The following CEP85L variants were observed in gnomAD, a reference collection of about 807,000 sequenced individuals.
CEP85L encodes the protein centrosomal protein of 85 kDa-like.
In CEP85L, 60 loss-of-function variants were observed where a neutral mutation model predicts 100.3. The ratio of observed to expected loss-of-function variants is 0.60; its 90% confidence interval spans 0.49 to 0.74. The LOEUF is 0.74. CEP85L is among the 30% of genes least tolerant of loss of function. The probability of loss-of-function intolerance (pLI) is 0.00; values close to 1 mark genes in which losing one functional copy is unlikely to be tolerated. For synonymous variants in CEP85L, 319 were observed against 322.7 expected (o/e 0.99, Z 0.12); for missense variants, 973 against 936.2 (o/e 1.04, Z -0.51).
At chr6:118,516,899 A>G (rs112543537) in intron 4 of CEP85L, among the ~76,000 whole-genome samples, 1 of 152,234 alleles carries the variant, frequency 6.6e-6, no homozygotes, top group African/African-American at 2.4e-5. Context: ...TTAAGTTTTT[A>G]ATCCATCTTT....
At chr6:118,474,910 TGA>T (rs923131274) in intron 10 of CEP85L, among the ~76,000 whole-genome samples, 2 of 152,176 alleles carry the variant, frequency 1.3e-5, no homozygotes, top group African/African-American at 2.4e-5. Context: ...GGAAAAACAG[TGA>T]GATAGCTGGG....
At chr6:118,691,610 G>A (rs1777048113) in intron 1 of CEP85L, among the ~76,000 whole-genome samples, 1 of 147,116 alleles carries the variant, frequency 6.8e-6, no homozygotes, top group South Asian at 2.2e-4. Flanking sequence ...TGGCAGGCAG[G>A]CGCCTGTAAT....
chr6:118,705,617 TA>T (rs987107303), intron 1 of CEP85L, among the ~76,000 whole-genome samples: 37 of 152,214 alleles, frequency 2.4e-4, no homozygotes, highest in Non-Finnish European at 2.9e-4. Flanking sequence ...AAATGAAGGA[TA>T]AAACAATACA....
chr6:118,516,810 A>G (rs1382988590), intron 4 of CEP85L, among the ~76,000 whole-genome samples: 2 of 152,198 alleles, frequency 1.3e-5, no homozygotes, highest in East Asian at 3.8e-4. Flanking sequence ...TTTAGACATG[A>G]AGCCTTTGCC....
chr6:118,677,117 A>T (rs1201729145), intron 1 of CEP85L, among the ~76,000 whole-genome samples: 2 of 152,124 alleles, frequency 1.3e-5, no homozygotes, highest in African/African-American at 4.8e-5. Flanking sequence ...GTTACTTATC[A>T]CTAATGTAGC....
intron 5 of CEP85L, among the ~76,000 whole-genome samples, chr6:118,509,320 G>A (rs533251001): frequency 5.9e-5 from 9 of 152,084 alleles, no homozygotes; most frequent in African/African-American, 1.4e-4. Flanking sequence ...ATGTTAAAGA[G>A]AAATTGAACA....
intron 2 of CEP85L, among the ~76,000 whole-genome samples, chr6:118,614,027 C>T (rs1772846221): frequency 6.6e-6 from 1 of 152,050 alleles, no homozygotes; most frequent in Non-Finnish European, 1.5e-5. Flanking sequence ...GAATTATATA[C>T]CATGACCAAG....
rs761190243 is a variant in CEP85L, at chr6:118,566,257, G to T, written c.292C>A (p.Pro98Thr). ...FKPSQSLITL[P>T]TAHVMPSNSS... ...TTAGACGGCATCACATGGGCAGTAG[G>T]AAGAGTAATCAATGATTGACTAGGC... Residue 98 changes from proline (P) to threonine (T), a missense_variant, in exon 3 of 13, where the codon CCT (proline) becomes ACT (threonine). By Grantham distance (38) the Pro-to-Thr change is conservative. Around this residue, in one of 3 missense-constraint regions of CEP85L, gnomAD observed 890 missense variants for 844.5 expected, o/e 1.05. Transcript: ENST00000368491. 1 of 1,614,088 alleles carries T rather than the reference G, an allele frequency of 6.2e-7. No individual in the cohort carries two copies. Among genetic ancestry groups the T allele is most frequent in the South Asian group, 1.1e-5 (1 of 91,084 alleles).
At chr6:118,635,427 A>G (rs1023368674) in intron 1 of CEP85L, among the ~76,000 whole-genome samples, 13 of 152,164 alleles carry the variant, frequency 8.5e-5, no homozygotes, top group African/African-American at 2.9e-4. Flanking sequence ...AGGGAGCTCT[A>G]TATCTAAATG....
rs1772382226 is a variant in CEP85L at position 118,464,493 on chromosome 6, T to TA, written c.*911dup. 1 of 152,148 alleles carries TA rather than the reference T, an allele frequency of 6.6e-6. No individual in the cohort carries two copies. Among genetic ancestry groups the TA allele is most frequent in the South Asian group, 2.1e-4 (1 of 4,838 alleles). 9.4% of individuals were successfully genotyped at this position (152,148 alleles called of 1,614,324 possible). On this transcript the variant is annotated 3_prime_UTR_variant, in exon 13 of 13. Transcript: ENST00000368491. ...TAAAATGTAAATGTTGAGATTTGGATAAGTAAGCTATTGTTCCAGGGTAAC... is the reference window on the plus strand; with the variant it reads ...TAAAATGTAAATGTTGAGATTTGGATAAAGTAAGCTATTGTTCCAGGGTAAC...
At chr6:118,581,885 G>A (rs946731549) in intron 2 of CEP85L, among the ~76,000 whole-genome samples, 9 of 152,218 alleles carry the variant, frequency 5.9e-5, no homozygotes, top group South Asian at 2.1e-4. Context: ...AACCTGGCCC[G>A]CTGCGGGGAG....
At chr6:118,485,955 G>T (rs929047512) in intron 6 of CEP85L, among the ~76,000 whole-genome samples, 1 of 152,196 alleles carries the variant, frequency 6.6e-6, no homozygotes, top group Non-Finnish European at 1.5e-5. Context: ...GACTGGAATA[G>T]GTCTGTCTGT....
intron 2 of CEP85L, among the ~76,000 whole-genome samples, chr6:118,632,182 G>T (rs936959421): frequency 6.6e-6 from 1 of 152,078 alleles, no homozygotes; most frequent in Non-Finnish European, 1.5e-5. Flanking sequence ...GTAGAGACGG[G>T]ATTTCATTGT....
chr6:118,708,001 A>T (rs1777656165), intron 1 of CEP85L, among the ~76,000 whole-genome samples: 1 of 152,134 alleles, frequency 6.6e-6, no homozygotes, highest in Non-Finnish European at 1.5e-5. Context: ...ACAATCTGGC[A>T]GCATCTACTA....
chr6:118,692,882 A>C (rs1777091697), intron 1 of CEP85L, among the ~76,000 whole-genome samples: 1 of 150,346 alleles, frequency 6.7e-6, no homozygotes, highest in Non-Finnish European at 1.5e-5. Context: ...GGCTTTTGGA[A>C]GATGCATCAC....
intron 2 of CEP85L, among the ~76,000 whole-genome samples, chr6:118,593,362 A>T (rs980837161): frequency 1.2e-4 from 17 of 144,452 alleles, no homozygotes; most frequent in African/African-American, 4.0e-4. Context: ...AAAAGAATTT[A>T]AAAAAAAAAA....
Position 118,463,554 on chromosome 6 carries a change from T to C in CEP85L, c.*1851A>G, listed in dbSNP as rs568552803. 2 of 152,154 alleles carry C rather than the reference T, an allele frequency of 1.3e-5. No homozygotes were observed. Among genetic ancestry groups the C allele is most frequent in the African/African-American group, 4.8e-5 (2 of 41,544 alleles). The allele number at this position is 152,154 out of a possible 1,614,324, so 9.4% of individuals were successfully genotyped here. On this transcript the variant is annotated 3_prime_UTR_variant, in exon 13 of 13. Coordinates refer to ENST00000368491, the MANE Select transcript of CEP85L (RefSeq NM_001042475.3). ...TGGTGGAAATTTACTATACCCTGATTATCGTCAAGCTACTAATGTTAAAAA... is the reference window on the plus strand; with the variant it reads ...TGGTGGAAATTTACTATACCCTGATCATCGTCAAGCTACTAATGTTAAAAA...
At chr6:118,682,598 G>A (rs1359338095) in intron 1 of CEP85L, among the ~76,000 whole-genome samples, 1 of 151,982 alleles carries the variant, frequency 6.6e-6, no homozygotes, top group Non-Finnish European at 1.5e-5. Flanking sequence ...CAAGTGGCTT[G>A]TTACCCAAAG....
At chr6:118,600,742 T>C (rs1186570421) in intron 2 of CEP85L, among the ~76,000 whole-genome samples, 4 of 151,746 alleles carry the variant, frequency 2.6e-5, no homozygotes, top group Non-Finnish European at 4.4e-5. Flanking sequence ...TACATATTGA[T>C]CTGACACCAT....
Sources: allele counts gnomAD v4.1 joint callset (sites outside exome capture counted in the v4.1 genomes callset), GRCh38; gene constraint gnomAD v4.1.1; regional missense constraint gnomAD v4.1.1; transcripts MANE v1.5; gene names NCBI Gene and HGNC (gene_info 2026-07-23, HGNC 2026-07-21).